Variants in GRM7 observed in about 807,000 individuals in gnomAD.
GRM7 encodes the protein metabotropic glutamate receptor 7.
A neutral mutation model predicts 84.5 loss-of-function variants in GRM7; 35 were observed. The ratio of observed to expected loss-of-function variants is 0.41; its 90% CI spans 0.32 to 0.55. The LOEUF (loss-of-function observed/expected upper bound fraction) is 0.55. Among genes scored for constraint, GRM7 ranks in the 20% least tolerant of loss-of-function variants. GRM7 has a pLI of 0.19. For synonymous variants in GRM7, 487 were observed against 455.1 expected (o/e 1.07, Z -0.89); for missense variants, 1,003 against 1,194.6 (o/e 0.84, Z 2.36).
intron 4 of GRM7, among the ~76,000 whole-genome samples, chr3:7,399,235 G>C (rs1169939640): frequency 6.6e-6 from 1 of 151,450 alleles, no homozygotes; most frequent in Non-Finnish European, 1.5e-5. Context: ...ACATTTTCTG[G>C]AATCCACCCT....
chr3:7,080,880 G>C (rs1698254614), intron 1 of GRM7, among the ~76,000 whole-genome samples: 1 of 151,904 alleles, frequency 6.6e-6, no homozygotes, highest in Non-Finnish European at 1.5e-5. Flanking sequence ...TATCATTGAT[G>C]CTCAAAATAT....
intron 4 of GRM7, among the ~76,000 whole-genome samples, chr3:7,392,477 G>C (rs1695040352): frequency 6.6e-6 from 1 of 152,170 alleles, no homozygotes; most frequent in Admixed American, 6.5e-5. Flanking sequence ...ACTGCTGCCA[G>C]GTTTCTAAAT....
chr3:7,094,366 T>C (rs151263807), intron 1 of GRM7, among the ~76,000 whole-genome samples: 224 of 152,332 alleles, frequency 1.5e-3, no homozygotes, highest in African/African-American at 5.0e-3. Context: ...CACAATATCA[T>C]TTCACATGGG....
At chr3:7,576,462 A>C (rs1456898128) in intron 7 of GRM7, among the ~76,000 whole-genome samples, 1 of 152,140 alleles carries the variant, frequency 6.6e-6, no homozygotes, top group East Asian at 1.9e-4. Flanking sequence ...TGAGCCATTT[A>C]TTTTTCCAAG....
intron 9 of GRM7, among the ~76,000 whole-genome samples, chr3:7,726,978 T>G (rs147871395): frequency 6.6e-6 from 1 of 152,032 alleles, no homozygotes; most frequent in African/African-American, 2.4e-5. Flanking sequence ...TTTTACAGCG[T>G]TGAAATATTT....
intron 4 of GRM7, among the ~76,000 whole-genome samples, chr3:7,309,809 C>T (rs1424664529): frequency 6.6e-6 from 1 of 152,062 alleles, no homozygotes; most frequent in East Asian, 1.9e-4. Flanking sequence ...TGAAAGGAGC[C>T]AGTTTCCTGG....
intron 1 of GRM7, among the ~76,000 whole-genome samples, chr3:7,102,895 T>C (rs1372059851): frequency 6.6e-6 from 1 of 151,796 alleles, no homozygotes; most frequent in Non-Finnish European, 1.5e-5. Context: ...GAATTTTTGT[T>C]CCATTCTTTT....
intron 1 of GRM7, among the ~76,000 whole-genome samples, chr3:7,086,803 T>C (rs1352807130): frequency 1.3e-5 from 2 of 152,168 alleles, no homozygotes; most frequent in Non-Finnish European, 2.9e-5. Flanking sequence ...AGATAACAGA[T>C]AAAAAAGAGG....
chr3:7,508,752 A>G (rs1348734202), intron 7 of GRM7, among the ~76,000 whole-genome samples: 7 of 152,278 alleles, frequency 4.6e-5, no homozygotes, highest in East Asian at 1.9e-4. Context: ...ATTCATAAAA[A>G]CTTTGGGAAG....
At chr3:7,326,635 G>T (rs1700998808) in intron 4 of GRM7, among the ~76,000 whole-genome samples, 1 of 152,000 alleles carries the variant, frequency 6.6e-6, no homozygotes, top group African/African-American at 2.4e-5. Context: ...ATCATCTGAG[G>T]TCAGGAGTTT....
chr3:7,543,359 A>G (rs899709372), intron 7 of GRM7, among the ~76,000 whole-genome samples: 1 of 152,216 alleles, frequency 6.6e-6, no homozygotes, highest in African/African-American at 2.4e-5. Flanking sequence ...GATGACAATG[A>G]GGGGAATATT....
chr3:7,552,404 C>T (rs1693521657), intron 7 of GRM7, among the ~76,000 whole-genome samples: 2 of 152,216 alleles, frequency 1.3e-5, no homozygotes, highest in African/African-American at 4.8e-5. Flanking sequence ...CAGCGATCCT[C>T]TTCTCACAGC....
chr3:6,935,762 C>T (rs1697669722), intron 1 of GRM7, among the ~76,000 whole-genome samples: 1 of 151,252 alleles, frequency 6.6e-6, no homozygotes, highest in African/African-American at 2.4e-5. Flanking sequence ...ATGGTGAGAT[C>T]TTGGCTCACT....
chr3:7,352,057 C>CCA (rs56873432), intron 4 of GRM7, among the ~76,000 whole-genome samples: 27,926 of 136,634 alleles, frequency 0.2, 2,835 homozygotes, highest in Non-Finnish European at 0.22. Flanking sequence ...CACACACACA[C>CCA]CACACACACA....
chr3:7,227,653 G>A (rs892591675), intron 2 of GRM7, among the ~76,000 whole-genome samples: 7 of 152,138 alleles, frequency 4.6e-5, no homozygotes, highest in African/African-American at 1.7e-4. Flanking sequence ...CACATAAGAA[G>A]AAGTCAACAA....
intron 9 of GRM7, among the ~76,000 whole-genome samples, chr3:7,711,882 T>C (rs540084966): frequency 4.6e-5 from 7 of 152,332 alleles, no homozygotes; most frequent in Admixed American, 4.6e-4. Flanking sequence ...CCTCCTGTTC[T>C]TTCTGTACCC....
intron 5 of GRM7, among the ~76,000 whole-genome samples, chr3:7,445,095 A>C (rs995602414): frequency 5.3e-5 from 8 of 152,174 alleles, no homozygotes; most frequent in Non-Finnish European, 8.8e-5. Context: ...AAGGGAAGTC[A>C]AGCAAGAATA....
chr3:7,418,245 C>T (rs1696253909), intron 5 of GRM7, among the ~76,000 whole-genome samples: 1 of 152,156 alleles, frequency 6.6e-6, no homozygotes, highest in Admixed American at 6.6e-5. Flanking sequence ...GACATTCTTC[C>T]TCTTACCTTC....
At chr3:6,948,396 T>C (rs1698173554) in intron 1 of GRM7, among the ~76,000 whole-genome samples, 1 of 152,218 alleles carries the variant, frequency 6.6e-6, no homozygotes, top group African/African-American at 2.4e-5. Context: ...GAGTTCTAGT[T>C]TGATTGCACT....
Sources: allele counts gnomAD v4.1 joint callset (sites outside exome capture counted in the v4.1 genomes callset), GRCh38; gene constraint gnomAD v4.1.1; transcripts MANE v1.5; gene names NCBI Gene and HGNC (gene_info 2026-07-23, HGNC 2026-07-21).